ULK2: variants seen among roughly 807,000 people sequenced by gnomAD.
The protein encoded by ULK2 is serine/threonine-protein kinase ULK2.
A neutral mutation model predicts 127.5 loss-of-function variants in ULK2; 76 were observed. That is an observed-to-expected ratio of 0.60 (90% CI 0.50 to 0.72). The LOEUF (loss-of-function observed/expected upper bound fraction) is 0.72, where lower values mean the gene tolerates loss of function less well. Ranked by LOEUF, ULK2 falls within the 30% of genes least tolerant of loss-of-function variation. The pLI is 0.00. For synonymous variants in ULK2, 452 were observed against 461.9 expected (o/e 0.98, Z 0.28); for missense variants, 1,144 against 1,295.9 (o/e 0.88, Z 1.80).
At chr17:19,840,568 T>TAAA in intron 9 of ULK2, 2 of 183,266 alleles carry the variant, frequency 1.1e-5, no homozygotes, top group Non-Finnish European at 2.2e-5. Flanking sequence ...ATTAATCATT[T>TAAA]AAAAAAAAAA....
At chr17:19,802,415 T>C (rs2087420148) in intron 15 of ULK2, among the ~76,000 whole-genome samples, 2 of 152,190 alleles carry the variant, frequency 1.3e-5, no homozygotes, top group Non-Finnish European at 2.9e-5. Flanking sequence ...AACTCATTAA[T>C]AAGCTTATTC....
rs1046343103 is a variant in ULK2, at chr17:19,784,017, A to G, written c.2252-112T>C. The G allele has an allele frequency of 3.1e-5, 29 of 946,210 alleles. No individual in the cohort carries two copies. The East Asian group carries it at 7.7e-4, about 25-fold the overall frequency. 58.6% of individuals were successfully genotyped at this position (946,210 alleles called of 1,614,324 possible). A position where few individuals can be genotyped will look rare whatever the true frequency, so the allele number is the denominator to read the frequency against. ...GAGGTGACAAAGGAAAGTTTCGTTA[A>G]AAGAAACTCACTGACCCCCTATGTA... On this transcript the variant is annotated intron_variant, in intron 21 of 26. Coordinates refer to ENST00000395544, the MANE Select transcript of ULK2 (RefSeq NM_014683.4).
chr17:19,863,565 C>A (rs1394531675), intron 3 of ULK2, among the ~76,000 whole-genome samples: 1 of 149,990 alleles, frequency 6.7e-6, no homozygotes, highest in Non-Finnish European at 1.5e-5. Context: ...GTGGCAGGAT[C>A]ACAGCTCACT....
At chr17:19,851,753 G>A (rs1375230030) in intron 3 of ULK2, among the ~76,000 whole-genome samples, 5 of 151,826 alleles carry the variant, frequency 3.3e-5, no homozygotes, top group South Asian at 2.1e-4. Context: ...GGCCGGGTGC[G>A]GTGGTTCACG....
At chr17:19,785,837 A>C in intron 21 of ULK2, 100 bp downstream of exon 21, 1 of 1,395,708 alleles carries the variant, frequency 7.2e-7, no homozygotes, top group Non-Finnish European at 9.5e-7. Flanking sequence ...TGAAGCCCAG[A>C]GAATTAAGTG....
In ULK2 at chr17:19,781,008, G is replaced by A; in HGVS notation, c.2736C>T (p.Ser912=). 1.2e-6 allele frequency: 2 copies of A among 1,613,968 alleles called. No homozygotes were observed. The highest frequency in any genetic ancestry group is 1.3e-5 in the African/African-American group (1 of 75,008). ...AKAQIKSGKL[S]PSTAVKQVVK... ...TACCTTGTTTCACAGCTGTGGATGG[G>A]CTCAGTTTCCCGGACTTGATCTGGG... is the stretch of plus-strand genomic sequence containing the variant. The change falls in exon 24 of 27, where the codon AGC becomes AGT. Residue 912 remains serine (S), a synonymous_variant. Coordinates refer to ENST00000395544, the MANE Select transcript of ULK2 (RefSeq NM_014683.4).
chr17:19,839,866 G>A (rs530057782), intron 9 of ULK2, among the ~76,000 whole-genome samples: 1 of 152,126 alleles, frequency 6.6e-6, no homozygotes, highest in South Asian at 2.1e-4. Flanking sequence ...TATTCACTGG[G>A]ACAGCCTATT....
In ULK2 at chr17:19,840,277, ACAACAACCC is replaced by A. The variant is rs1479847769; in HGVS notation, c.704+1203_704+1211del. 1.7e-5 allele frequency: 9 copies of A among 526,012 alleles called. No individual in the cohort carries two copies. The East Asian group carries it at 4.7e-4, about 27-fold the overall frequency. 32.6% of individuals were successfully genotyped at this position (526,012 alleles called of 1,614,324 possible). ...CTGAAATGAGAGTACCTGCTTCAGTACAACAACCCCAACCGCAGAGGGCTCATCGAAGAT... is the reference window on the plus strand; with the variant it reads ...CTGAAATGAGAGTACCTGCTTCAGTACAACCGCAGAGGGCTCATCGAAGAT... On this transcript the variant is annotated intron_variant, in intron 9 of 26. Coordinates refer to ENST00000395544, the MANE Select transcript of ULK2 (RefSeq NM_014683.4).
At chr17:19,795,878 T>C (rs763438882) in intron 19 of ULK2, among the ~76,000 whole-genome samples, 153 bp from the exon 20 acceptor site, 2 of 151,986 alleles carry the variant, frequency 1.3e-5, no homozygotes, top group Admixed American at 6.6e-5. Context: ...AGGACAGAAA[T>C]AGAATATTCA....
At chr17:19,826,214 TTAAAG>T in intron 10 of ULK2, 28 bp from the exon 11 acceptor site, 1 of 1,356,182 alleles carries the variant, frequency 7.4e-7, no homozygotes, top group Non-Finnish European at 9.9e-7. Flanking sequence ...AATGCAACCT[TTAAAG>T]AGACATTGAC....
chr17:19,818,797 C>CTTTTTTTTTTT (rs71157835), intron 12 of ULK2, among the ~76,000 whole-genome samples: 147 of 77,496 alleles, frequency 1.9e-3, no homozygotes, highest in Non-Finnish European at 2.7e-3. Flanking sequence ...TTTCTTTTTT[C>CTTTTTTTTTTT]TTTTTTTTTT....
Position 19,777,669 on chromosome 17 carries a change from A to T in ULK2, c.2964T>A (p.Ile988=). The T allele has an allele frequency of 5.6e-6, 9 of 1,614,090 alleles. No homozygotes were observed. Among genetic ancestry groups the T allele is most frequent in the Non-Finnish European group, 7.6e-6 (9 of 1,180,014 alleles). ...LDEMFQQTED[I]VYRYHKAALL... is the part of the protein sequence containing the mutation. ...GGGCTGCCTTATGATAGCGATAAAC[A>T]ATATCTTCGGTCTGCTGAAACATCT... is the stretch of plus-strand genomic sequence containing the variant. The change falls in exon 26 of 27, where the codon ATT becomes ATA. Residue 988 remains isoleucine, a synonymous_variant. Coordinates refer to ENST00000395544, the MANE Select transcript of ULK2 (RefSeq NM_014683.4).
intron 12 of ULK2, among the ~76,000 whole-genome samples, chr17:19,817,330 T>C (rs1038948174): frequency 6.6e-6 from 1 of 152,130 alleles, no homozygotes; most frequent in Non-Finnish European, 1.5e-5. Flanking sequence ...AACGACATCT[T>C]ACACACACAC....
chr17:19,827,720 T>C (rs1281386053), intron 10 of ULK2, among the ~76,000 whole-genome samples: 1 of 152,144 alleles, frequency 6.6e-6, no homozygotes, highest in Non-Finnish European at 1.5e-5. Flanking sequence ...GAGACCAGCC[T>C]GACCAACATG....
intron 12 of ULK2, among the ~76,000 whole-genome samples, chr17:19,820,080 C>T (rs1346379517): frequency 6.8e-6 from 1 of 148,074 alleles, no homozygotes; most frequent in Admixed American, 6.7e-5. Context: ...GATGGAGTCT[C>T]GCTCTATCAC....
chr17:19,867,926 C>T lies in ULK2; in HGVS notation c.-509G>A, dbSNP rs1230851818. 1.3e-5 allele frequency: 2 copies of T among 151,562 alleles called. No individual in the cohort carries two copies. Among genetic ancestry groups the T allele is most frequent in the Non-Finnish European group, 2.9e-5 (2 of 67,852 alleles). The allele number at this position is 151,562 out of a possible 1,614,324, so 9.4% of individuals were successfully genotyped here. On this transcript the variant is annotated 5_prime_UTR_variant, in exon 1 of 27. Coordinates refer to ENST00000395544, the MANE Select transcript of ULK2 (RefSeq NM_014683.4). The stretch of plus-strand genomic sequence containing the variant: ...AACGCCCTCGCGCGCGCTACCCGCT[C>T]CCGCGCGACTGGCTGCCCTCCGCGA...
rs762671717 is a variant in ULK2, at chr17:19,838,617, A to G, written c.705-34T>C. ...AAGGAAAAACACAACCACCTAAGTG[A>G]TAAGTTTATATACATAAACATTAAC... On this transcript the variant is annotated intron_variant, in intron 9 of 26. Coordinates refer to ENST00000395544, the MANE Select transcript of ULK2 (RefSeq NM_014683.4). 7 of 1,557,082 alleles carry G rather than the reference A, an allele frequency of 4.5e-6. No individual in the cohort carries two copies. The South Asian group carries it at 5.7e-5, about 13-fold the overall frequency.
Position 19,833,127 on chromosome 17 carries a change from G to GAA in ULK2, c.787+5372_787+5373dup, listed in dbSNP as rs71157837. Among the ~76,000 whole-genome samples, 772 of 115,370 alleles carry GAA rather than the reference G, an allele frequency of 6.7e-3. 27 individuals are homozygous for GAA. In the East Asian group the frequency reaches 0.096, roughly 14 times the overall value. 75.7% of individuals were successfully genotyped at this position (115,370 alleles called of 152,430 possible). A position where few individuals can be genotyped will look rare whatever the true frequency, so the allele number is the denominator to read the frequency against. ...GACACAGTAAGACTTTGTCTCAAAGGAAAAAAAAAAAAAAAAAAAAAAACA... is the reference window on the plus strand; with the variant it reads ...GACACAGTAAGACTTTGTCTCAAAGGAAAAAAAAAAAAAAAAAAAAAAAAACA... On this transcript the variant is annotated intron_variant, in intron 10 of 26. Transcript: ENST00000395544.
intron 10 of ULK2, among the ~76,000 whole-genome samples, chr17:19,836,009 G>A (rs2041587230): frequency 6.6e-6 from 1 of 151,436 alleles, no homozygotes; most frequent in Non-Finnish European, 1.5e-5. Flanking sequence ...GCTCACACCT[G>A]TAATCTCAGC....
Sources: allele counts gnomAD v4.1 joint callset (sites outside exome capture counted in the v4.1 genomes callset), GRCh38; gene constraint gnomAD v4.1.1; transcripts MANE v1.5; gene names NCBI Gene and HGNC (gene_info 2026-07-23, HGNC 2026-07-21).